Variants in KHDRBS2 observed in about 807,000 individuals in gnomAD.
The protein encoded by KHDRBS2 is KH domain-containing, RNA-binding, signal transduction-associated protein 2.
Under a neutral mutation model 44.3 loss-of-function variants are expected in KHDRBS2, and 26 were observed. The ratio of observed to expected loss-of-function variants is 0.59; its 90% CI spans 0.43 to 0.81. The LOEUF (loss-of-function observed/expected upper bound fraction) is 0.81, where lower values mean the gene tolerates loss of function less well. Among genes scored for constraint, KHDRBS2 ranks in the 40% least tolerant of loss-of-function variants. The probability of loss-of-function intolerance (pLI) is 0.00; values close to 1 mark genes in which losing one functional copy is unlikely to be tolerated. For missense variants in KHDRBS2, 476 were observed against 433.1 expected (o/e 1.10, Z -0.88); for synonymous variants, 194 against 151.1 (o/e 1.28, Z -2.08).
chr6:62,253,449 G>C (rs1487268117), intron 1 of KHDRBS2, among the ~76,000 whole-genome samples: 1 of 151,784 alleles, frequency 6.6e-6, no homozygotes, highest in African/African-American at 2.4e-5. Context: ...AAATTCATTA[G>C]GGCAATCTCT....
rs1413713563 is a variant in KHDRBS2 at position 61,680,811 on chromosome 6, T to TA, written c.*151dup. ...GTCACGCCAACAGTACAGAGGGAAA[T>TA]ACTAGAAATATATGGGAGTAATCAT... On this transcript the variant is annotated 3_prime_UTR_variant, in exon 9 of 9. Transcript: ENST00000281156. 1.4e-5 allele frequency: 8 copies of TA among 574,740 alleles called. No individual in the cohort carries two copies. In the Admixed American group the frequency reaches 2.5e-4, roughly 18 times the overall value. 35.6% of individuals were successfully genotyped at this position (574,740 alleles called of 1,614,324 possible). A position where few individuals can be genotyped will look rare whatever the true frequency, so the allele number is the denominator to read the frequency against.
At position 62,019,016 on chromosome 6, in the gene KHDRBS2, A is replaced by G. The variant is rs556047084; in HGVS notation, c.336+28862T>C. On this transcript the variant is annotated intron_variant, in intron 3 of 8. Coordinates refer to ENST00000281156, the MANE Select transcript of KHDRBS2 (RefSeq NM_152688.4). ...TAGTGAACTTTAAAATGAAGACACA[A>G]TAAGCTAATTTATGTTAAATAGATA... 2.0e-5 allele frequency among the ~76,000 whole-genome samples: 3 copies of G among 152,208 alleles called. No individual in the cohort carries two copies. In the South Asian group the frequency reaches 6.2e-4, roughly 32 times the overall value.
chr6:61,751,774 A>T (rs1777729487), intron 6 of KHDRBS2, among the ~76,000 whole-genome samples: 1 of 152,178 alleles, frequency 6.6e-6, no homozygotes, highest in Non-Finnish European at 1.5e-5. Context: ...GGTGTTTTAA[A>T]CAACATTCAT....
chr6:62,089,361 G>A (rs1799062247), intron 2 of KHDRBS2, among the ~76,000 whole-genome samples: 1 of 152,062 alleles, frequency 6.6e-6, no homozygotes, highest in African/African-American at 2.4e-5. Context: ...CCCTTGTGGT[G>A]CAGGCACCTG....
At chr6:61,877,791 A>C (rs1799646958) in intron 6 of KHDRBS2, among the ~76,000 whole-genome samples, 1 of 151,972 alleles carries the variant, frequency 6.6e-6, no homozygotes, top group Admixed American at 6.6e-5. Flanking sequence ...TAGTCATTAC[A>C]TGATTATCTT....
At chr6:62,091,345 T>C (rs1489460068) in intron 2 of KHDRBS2, among the ~76,000 whole-genome samples, 1 of 152,178 alleles carries the variant, frequency 6.6e-6, no homozygotes, top group African/African-American at 2.4e-5. Flanking sequence ...ATTCTTAGTA[T>C]AAAATATCAA....
chr6:62,273,539 A>G (rs1020970787), intron 1 of KHDRBS2, among the ~76,000 whole-genome samples: 8 of 152,198 alleles, frequency 5.3e-5, no homozygotes, highest in Admixed American at 5.2e-4. Flanking sequence ...CTTTTAGTCA[A>G]CTTTGAAGAT....
intron 4 of KHDRBS2, among the ~76,000 whole-genome samples, chr6:61,923,900 C>T (rs1486752003): frequency 2.6e-5 from 4 of 151,956 alleles, no homozygotes; most frequent in African/African-American, 7.3e-5. Flanking sequence ...TTATGTAAAT[C>T]ATTTAATGGA....
At chr6:61,552,330 T>C in the KHDRBS2 span, among the ~76,000 whole-genome samples, 6 of 152,264 alleles carry the variant, frequency 3.9e-5, no homozygotes, top group South Asian at 1.2e-3. Flanking sequence ...TGTTGGTGCA[T>C]GGGAATGCTA....
chr6:62,033,016 T>C (rs1373944652), intron 3 of KHDRBS2, among the ~76,000 whole-genome samples: 1 of 151,560 alleles, frequency 6.6e-6, no homozygotes, highest in Non-Finnish European at 1.5e-5. Flanking sequence ...TAACAAGAGA[T>C]TGAAATAATG....
At chr6:62,125,951 G>A (rs1808850709) in intron 2 of KHDRBS2, among the ~76,000 whole-genome samples, 2 of 152,182 alleles carry the variant, frequency 1.3e-5, no homozygotes, top group African/African-American at 2.4e-5. Context: ...ATTCCCGCTT[G>A]AGTAAAGGAG....
At chr6:61,772,385 CT>C (rs913892992) in intron 6 of KHDRBS2, among the ~76,000 whole-genome samples, 1 of 151,958 alleles carries the variant, frequency 6.6e-6, no homozygotes, top group East Asian at 1.9e-4. Context: ...CCAGGAGCTG[CT>C]TTTTTGAAAA....
At chr6:62,040,378 T>C (rs1240500543) in intron 3 of KHDRBS2, among the ~76,000 whole-genome samples, 3 of 152,084 alleles carry the variant, frequency 2.0e-5, no homozygotes. Flanking sequence ...TTATTTATTG[T>C]TGCATAACTA....
chr6:62,008,716 A>C (rs1562632749), intron 3 of KHDRBS2, among the ~76,000 whole-genome samples: 1 of 152,082 alleles, frequency 6.6e-6, no homozygotes, highest in East Asian at 1.9e-4. Context: ...TGCTGTTCTC[A>C]TGATATTGAA....
At chr6:62,276,346 A>G (rs1349055866) in intron 1 of KHDRBS2, among the ~76,000 whole-genome samples, 1 of 152,222 alleles carries the variant, frequency 6.6e-6, no homozygotes, top group Non-Finnish European at 1.5e-5. Context: ...TAAATGTTAA[A>G]CAAAACCCTG....
At chr6:62,226,188 C>T (rs1481721971) in intron 1 of KHDRBS2, among the ~76,000 whole-genome samples, 2 of 152,116 alleles carry the variant, frequency 1.3e-5, no homozygotes, top group African/African-American at 4.8e-5. Context: ...TCCACAGCCT[C>T]GACAGCATGT....
chr6:61,852,380 A>T (rs1423741132), intron 6 of KHDRBS2, among the ~76,000 whole-genome samples: 1 of 151,984 alleles, frequency 6.6e-6, no homozygotes, highest in Admixed American at 6.6e-5. Flanking sequence ...CCTGGCCAAC[A>T]TGGTGAAACC....
chr6:61,605,969 A>T, the KHDRBS2 span, among the ~76,000 whole-genome samples: 1 of 152,066 alleles, frequency 6.6e-6, no homozygotes, highest in Non-Finnish European at 1.5e-5. Flanking sequence ...ACCACAAAAG[A>T]AGTGAAAATG....
At chr6:62,043,982 A>G (rs1460521109) in intron 3 of KHDRBS2, among the ~76,000 whole-genome samples, 2 of 152,216 alleles carry the variant, frequency 1.3e-5, no homozygotes, top group East Asian at 3.9e-4. Flanking sequence ...TTAATTAAGT[A>G]TCAAGCTTTG....
Sources: allele counts gnomAD v4.1 joint callset (sites outside exome capture counted in the v4.1 genomes callset), GRCh38; gene constraint gnomAD v4.1.1; transcripts MANE v1.5; gene names NCBI Gene and HGNC (gene_info 2026-07-23, HGNC 2026-07-21).